SGCZ: variants seen among roughly 807,000 people sequenced by gnomAD.
SGCZ encodes the protein zeta-sarcoglycan.
Under a neutral mutation model 41.3 loss-of-function variants are expected in SGCZ, and 40 were observed. That is an observed-to-expected ratio of 0.97 (90% CI 0.75 to 1.26). The LOEUF is 1.26. Among genes scored for constraint, SGCZ ranks in the 50% most tolerant of loss-of-function variants. SGCZ has a pLI of 0.00. For missense variants in SGCZ, 552 were observed against 369.8 expected, an observed-to-expected ratio of 1.49 and a Z score of -4.04; for synonymous variants, 206 against 137.5, an observed-to-expected ratio of 1.50 and a Z score of -3.49.
chr8:14,431,515 C>T (rs1276601807), intron 2 of SGCZ, among the ~76,000 whole-genome samples: 1 of 152,110 alleles, frequency 6.6e-6, no homozygotes, highest in Non-Finnish European at 1.5e-5. Flanking sequence ...GGATCTTCAC[C>T]TCTCACCTTA....
chr8:14,957,995 T>C (rs1229213854), intron 1 of SGCZ, among the ~76,000 whole-genome samples: 1 of 152,040 alleles, frequency 6.6e-6, no homozygotes, highest in Non-Finnish European at 1.5e-5. Context: ...AATCCTACAG[T>C]ACTTGAAAGA....
rs550330274 is a variant in SGCZ, at chr8:14,442,785, C to G, written c.234+111947G>C. ...TGGCTCTTCATTCAAAGCCACTGCA[C>G]AAACTAAATTTGTTTTATTGTTGTT... On this transcript the variant is annotated intron_variant, in intron 2 of 7. Transcript: ENST00000382080. 6.4e-4 allele frequency among the ~76,000 whole-genome samples: 98 copies of G among 152,276 alleles called. 1 individual carries two copies. Among genetic ancestry groups the G allele is most frequent in the African/African-American group, 2.3e-3 (96 of 41,558 alleles).
intron 1 of SGCZ, among the ~76,000 whole-genome samples, chr8:15,046,665 A>C (rs576954833): frequency 1.3e-5 from 2 of 152,038 alleles, no homozygotes; most frequent in African/African-American, 4.8e-5. Flanking sequence ...TAAGATCAGG[A>C]TGCTAGATGT....
intron 1 of SGCZ, among the ~76,000 whole-genome samples, chr8:15,096,253 A>AT (rs1376104166): frequency 0.012 from 1,654 of 142,848 alleles, 22 homozygotes; most frequent in African/African-American, 0.038. Flanking sequence ...ACTTTTGGTA[A>AT]TTTTTTTTTT....
intron 2 of SGCZ, among the ~76,000 whole-genome samples, chr8:14,352,593 G>A (rs547445742): frequency 6.6e-6 from 1 of 152,080 alleles, no homozygotes; most frequent in Non-Finnish European, 1.5e-5. Flanking sequence ...AAACAACCAG[G>A]AAGAGAAGTA....
intron 1 of SGCZ, among the ~76,000 whole-genome samples, chr8:15,224,220 T>C (rs1378666620): frequency 6.6e-6 from 1 of 152,182 alleles, no homozygotes; most frequent in Non-Finnish European, 1.5e-5. Context: ...ACAGAGTATA[T>C]TTTTCTTCTT....
chr8:15,117,235 T>C (rs1023838536), intron 1 of SGCZ, among the ~76,000 whole-genome samples: 41 of 152,010 alleles, frequency 2.7e-4, no homozygotes, highest in African/African-American at 9.9e-4. Flanking sequence ...AGCAGGCGCC[T>C]GTAGTCCCAG....
At chr8:14,648,357 T>G (rs953819712) in intron 1 of SGCZ, among the ~76,000 whole-genome samples, 3 of 152,046 alleles carry the variant, frequency 2.0e-5, no homozygotes, top group African/African-American at 4.8e-5. Flanking sequence ...ATCAAGAAAA[T>G]TCGTACTCAC....
chr8:14,214,915 A>G (rs916007527), intron 4 of SGCZ, among the ~76,000 whole-genome samples: 1 of 152,184 alleles, frequency 6.6e-6, no homozygotes, highest in Non-Finnish European at 1.5e-5. Flanking sequence ...TCCACAAATT[A>G]TAGCTGGATA....
chr8:14,140,357 T>G (rs1323762971), intron 5 of SGCZ, among the ~76,000 whole-genome samples: 1 of 152,032 alleles, frequency 6.6e-6, no homozygotes, highest in Non-Finnish European at 1.5e-5. Context: ...GGGTATTCAA[T>G]TAGGAAAAGA....
intron 2 of SGCZ, among the ~76,000 whole-genome samples, chr8:14,413,581 A>G (rs536011292): frequency 2.9e-4 from 44 of 152,086 alleles, no homozygotes; most frequent in African/African-American, 8.4e-4. Context: ...TTATATTACA[A>G]CTTAAGTAGT....
chr8:14,290,165 T>C (rs1800790837), intron 3 of SGCZ, among the ~76,000 whole-genome samples: 1 of 152,066 alleles, frequency 6.6e-6, no homozygotes, highest in African/African-American at 2.4e-5. Flanking sequence ...TTAAACCTTA[T>C]CTTTTATCAT....
At chr8:14,199,001 C>T (rs1805368971) in intron 4 of SGCZ, among the ~76,000 whole-genome samples, 1 of 152,118 alleles carries the variant, frequency 6.6e-6, no homozygotes, top group South Asian at 2.1e-4. Context: ...GTTTGTAGAG[C>T]ATGTGTGTTT....
intron 1 of SGCZ, among the ~76,000 whole-genome samples, chr8:15,095,555 A>C (rs2131070515): frequency 6.6e-6 from 1 of 152,326 alleles, no homozygotes; most frequent in Admixed American, 6.5e-5. Context: ...CTTAAATGAA[A>C]ATAAAATTAA....
chr8:14,127,329 T>A (rs1053215837), intron 5 of SGCZ, among the ~76,000 whole-genome samples: 11 of 152,148 alleles, frequency 7.2e-5, no homozygotes, highest in African/African-American at 2.7e-4. Context: ...ATCCCCTAAA[T>A]ACTGAGGAGC....
At chr8:14,234,564 C>A (rs1048357618) in intron 4 of SGCZ, among the ~76,000 whole-genome samples, 3 of 151,940 alleles carry the variant, frequency 2.0e-5, no homozygotes, top group African/African-American at 7.2e-5. Context: ...TGAAGAGTAA[C>A]TGAAATTCTT....
intron 1 of SGCZ, among the ~76,000 whole-genome samples, chr8:15,070,790 G>C (rs547313507): frequency 6.6e-6 from 1 of 152,156 alleles, no homozygotes; most frequent in Non-Finnish European, 1.5e-5. Flanking sequence ...GAGTGTATTA[G>C]CTTCTTATTA....
At chr8:14,884,062 T>A (rs1804697837) in intron 1 of SGCZ, among the ~76,000 whole-genome samples, 1 of 152,118 alleles carries the variant, frequency 6.6e-6, no homozygotes, top group Middle Eastern at 3.4e-3. Flanking sequence ...ACATGTGGAG[T>A]TTAGCATAAA....
chr8:14,825,915 G>A (rs1041496917), intron 1 of SGCZ, among the ~76,000 whole-genome samples: 3 of 151,958 alleles, frequency 2.0e-5, no homozygotes, highest in Admixed American at 6.6e-5. Flanking sequence ...ACACTCTCTT[G>A]TATACACATA....
Sources: allele counts gnomAD v4.1 joint callset (sites outside exome capture counted in the v4.1 genomes callset), GRCh38; gene constraint gnomAD v4.1.1; transcripts MANE v1.5; gene names NCBI Gene and HGNC (gene_info 2026-07-23, HGNC 2026-07-21).